CACNB4: variants seen among roughly 807,000 people sequenced by gnomAD.
CACNB4 encodes calcium voltage-gated channel auxiliary subunit beta 4, also known as voltage-dependent L-type calcium channel subunit beta-4.
In CACNB4, 32 loss-of-function variants were observed where a neutral mutation model predicts 71.2. The ratio of observed to expected loss-of-function variants is 0.45; its 90% confidence interval spans 0.34 to 0.60. CACNB4 has a LOEUF of 0.60. CACNB4 is among the 20% of genes least tolerant of loss of function. The pLI is 0.01. For synonymous variants in CACNB4, 231 were observed against 236.9 expected (o/e 0.97, Z 0.23); for missense variants, 464 against 647.9 (o/e 0.72, Z 3.08).
intron 2 of CACNB4, among the ~76,000 whole-genome samples, chr2:151,965,978 C>A (rs1302327333): frequency 6.6e-6 from 1 of 152,216 alleles, no homozygotes; most frequent in Non-Finnish European, 1.5e-5. Context: ...GACTCAAGGT[C>A]CGAACACTGA....
rs11899154 is a variant in CACNB4, at chr2:152,083,106, A to G, written c.147+15224T>C. On this transcript the variant is annotated intron_variant, in intron 2 of 13. Coordinates refer to ENST00000539935, the MANE Select transcript of CACNB4 (RefSeq NM_000726.5). The stretch of plus-strand genomic sequence containing the variant: ...CTCAGCCACTGTGGGGCTGACCTCA[A>G]TCTCATCTCTAGGTAGCCAACTGCT... Among the ~76,000 whole-genome samples, 57 of 152,200 alleles carry G rather than the reference A, an allele frequency of 3.7e-4. 1 individual carries two copies. Among genetic ancestry groups the G allele is most frequent in the African/African-American group, 1.1e-3 (46 of 41,518 alleles).
intron 5 of CACNB4, 53 bp downstream of exon 5, chr2:151,876,372 AT>A (rs1417393599): frequency 6.6e-7 from 1 of 1,526,504 alleles, no homozygotes; most frequent in Non-Finnish European, 9.0e-7. Context: ...ACCCTTGAAA[AT>A]ATCACCCAAT....
chr2:151,884,751 T>C (rs1338249189), intron 2 of CACNB4, among the ~76,000 whole-genome samples: 2 of 152,304 alleles, frequency 1.3e-5, no homozygotes, highest in African/African-American at 4.8e-5. Flanking sequence ...AGGTTTGTCT[T>C]ATGGCTGCTA....
At chr2:152,021,040 CAGG>C (rs1683633895) in intron 2 of CACNB4, among the ~76,000 whole-genome samples, 1 of 152,082 alleles carries the variant, frequency 6.6e-6, no homozygotes, top group South Asian at 2.1e-4. Flanking sequence ...ATCACGAGGT[CAGG>C]AGATTGAGAC....
At chr2:151,972,849 C>T (rs1354578580) in intron 2 of CACNB4, 1 of 152,230 alleles carries the variant, frequency 6.6e-6, no homozygotes, top group Non-Finnish European at 1.5e-5. Flanking sequence ...CATTAACCAC[C>T]CCCAGCCATT....
chr2:152,090,921 G>A lies in CACNB4; in HGVS notation c.147+7409C>T, dbSNP rs187235458. On this transcript the variant is annotated intron_variant, in intron 2 of 13. Coordinates refer to ENST00000539935, the MANE Select transcript of CACNB4 (RefSeq NM_000726.5). ...GTTAGCCAGGCATGTTGGCAGTCCC[G>A]TTATCCCAGATACTCGGGAGGCTGA... 5.1e-4 allele frequency among the ~76,000 whole-genome samples: 77 copies of A among 151,510 alleles called. 1 individual carries two copies. In the East Asian group the frequency reaches 9.2e-3, roughly 18 times the overall value.
Position 152,001,990 on chromosome 2 carries a change from G to A in CACNB4, c.147+96340C>T, listed in dbSNP as rs143194234. Among the ~76,000 whole-genome samples the A allele has an allele frequency of 4.6e-3, 695 of 152,272 alleles. 8 individuals are homozygous for A. The highest frequency in any genetic ancestry group is 0.016 in the African/African-American group (667 of 41,528). ...GCAAAAACCTAACTGTGCTAACAAC[G>A]AGCATTTCTCCAAGGAGTGATCCAC... is the stretch of plus-strand genomic sequence containing the variant. On this transcript the variant is annotated intron_variant, in intron 2 of 13. Transcript: ENST00000539935.
chr2:151,879,569 T>C (rs2099847312), intron 4 of CACNB4: 1 of 152,258 alleles, frequency 6.6e-6, no homozygotes, highest in Non-Finnish European at 1.5e-5. Context: ...GTTGATGTTC[T>C]GGGAACTTGT....
At chr2:151,992,059 C>G (rs1453083105) in intron 2 of CACNB4, among the ~76,000 whole-genome samples, 5 of 152,194 alleles carry the variant, frequency 3.3e-5, no homozygotes, top group Non-Finnish European at 7.3e-5. Context: ...AGCTAGAGTA[C>G]TTAATCCTCG....
chr2:151,935,787 T>C (rs2099862784), intron 2 of CACNB4, among the ~76,000 whole-genome samples: 1 of 152,242 alleles, frequency 6.6e-6, no homozygotes. Flanking sequence ...ATAAGGCTAT[T>C]AGATATTCTT....
chr2:151,910,514 T>C (rs1385916507), intron 2 of CACNB4, among the ~76,000 whole-genome samples: 2 of 152,250 alleles, frequency 1.3e-5, no homozygotes, highest in African/African-American at 2.4e-5. Flanking sequence ...GTCAGTTTTC[T>C]GCATATGGCT....
chr2:151,944,023 C>T (rs1035015576), intron 2 of CACNB4, among the ~76,000 whole-genome samples: 112 of 109,542 alleles, frequency 1.0e-3, no homozygotes, highest in African/African-American at 3.0e-3. Context: ...ATTATACTTT[C>T]TTTCTTTTTT....
chr2:152,032,971 A>C (rs921901697), intron 2 of CACNB4, among the ~76,000 whole-genome samples: 1 of 152,198 alleles, frequency 6.6e-6, no homozygotes, highest in East Asian at 1.9e-4. Context: ...AAAAATAAAT[A>C]AATAAAAAGG....
At position 152,098,841 on chromosome 2, in the gene CACNB4, G is replaced by A; in HGVS notation, c.63+108C>T. The A allele has an allele frequency of 2.8e-6, 3 of 1,066,904 alleles. No individual in the cohort carries two copies. Among genetic ancestry groups the A allele is most frequent in the African/African-American group, 1.6e-5 (1 of 62,042 alleles). 66.1% of individuals were successfully genotyped at this position (1,066,904 alleles called of 1,614,324 possible). A position where few individuals can be genotyped will look rare whatever the true frequency, so the allele number is the denominator to read the frequency against. On this transcript the variant is annotated intron_variant, in intron 1 of 13. Coordinates refer to ENST00000539935, the MANE Select transcript of CACNB4 (RefSeq NM_000726.5). The surrounding 1 kb of genome is among the most constrained non-coding windows in gnomAD (Gnocchi z 5.3). The stretch of plus-strand genomic sequence containing the variant: ...GGGGGAGCGGGGCCGCCGACTCCCG[G>A]GACTGGGGCCCCGCACGCCCGGCAC...
At chr2:151,982,542 G>A (rs1490224658) in intron 2 of CACNB4, among the ~76,000 whole-genome samples, 3 of 151,356 alleles carry the variant, frequency 2.0e-5, no homozygotes, top group Non-Finnish European at 4.4e-5. Flanking sequence ...GCTGAGGCAG[G>A]AGAATGGCCT....
At chr2:152,040,994 C>T (rs1221498500) in intron 2 of CACNB4, among the ~76,000 whole-genome samples, 1 of 152,202 alleles carries the variant, frequency 6.6e-6, no homozygotes, top group Non-Finnish European at 1.5e-5. Flanking sequence ...CCCTCAAAGA[C>T]CATGGCAAAA....
chr2:151,875,942 T>C (rs1366702021), intron 5 of CACNB4, among the ~76,000 whole-genome samples: 3 of 126,082 alleles, frequency 2.4e-5, no homozygotes, highest in Non-Finnish European at 1.7e-5. Context: ...ACCCCTCACC[T>C]CCCGGACGGG....
intron 5 of CACNB4, chr2:151,873,555 T>G (rs2099845155): frequency 6.6e-6 from 1 of 152,030 alleles, no homozygotes; most frequent in Admixed American, 6.6e-5. Context: ...GAAAACTAAG[T>G]CAGGGAAGGG....
At chr2:152,069,858 T>TG in intron 2 of CACNB4, among the ~76,000 whole-genome samples, 1 of 148,500 alleles carries the variant, frequency 6.7e-6, no homozygotes, top group Non-Finnish European at 1.5e-5. Context: ...TTTTTTTTTT[T>TG]TGGAGATGGA....
Sources: allele counts gnomAD v4.1 joint callset (sites outside exome capture counted in the v4.1 genomes callset), GRCh38; gene constraint gnomAD v4.1.1; non-coding constraint Gnocchi (gnomAD v3.1); transcripts MANE v1.5; gene names NCBI Gene and HGNC (gene_info 2026-07-23, HGNC 2026-07-21).